The following ANTXR1 variants were observed in gnomAD, a reference collection of about 807,000 sequenced individuals.
ANTXR1 encodes anthrax toxin receptor 1.
Under a neutral mutation model 78.1 loss-of-function variants are expected in ANTXR1, and 19 were observed. The ratio of observed to expected loss-of-function variants is 0.24; its 90% CI spans 0.17 to 0.36. ANTXR1 has a LOEUF of 0.36. ANTXR1 is among the 10% of genes least tolerant of loss of function. The pLI, the probability that ANTXR1 is intolerant of heterozygous loss-of-function variation, is 1.00. For synonymous variants in ANTXR1, 273 were observed against 260.5 expected (o/e 1.05, Z -0.46); for missense variants, 518 against 718.6 (o/e 0.72, Z 3.19).
At chr2:69,220,496 G>A (rs945851967) in intron 17 of ANTXR1, among the ~76,000 whole-genome samples, 3 of 152,188 alleles carry the variant, frequency 2.0e-5, no homozygotes, top group Non-Finnish European at 4.4e-5. Flanking sequence ...GGGGCAACAA[G>A]GCATTGCCCT....
At chr2:69,029,345 C>T (rs1301991652) in intron 1 of ANTXR1, among the ~76,000 whole-genome samples, 1 of 149,084 alleles carries the variant, frequency 6.7e-6, no homozygotes, top group Non-Finnish European at 1.5e-5. Context: ...TACACAATAA[C>T]AATTCTGGGG....
chr2:69,228,488 T>C (rs1181600323), intron 17 of ANTXR1, among the ~76,000 whole-genome samples: 5 of 152,210 alleles, frequency 3.3e-5, no homozygotes, highest in Admixed American at 3.3e-4. Flanking sequence ...GATTTATATC[T>C]TCACTCGGTC....
chr2:69,235,375 G>A (rs1675731509), intron 17 of ANTXR1, among the ~76,000 whole-genome samples: 2 of 151,954 alleles, frequency 1.3e-5, no homozygotes, highest in African/African-American at 4.8e-5. Flanking sequence ...TGGGCCAGGG[G>A]CAGTGGTTCA....
At chr2:69,186,934 C>T (rs1450600191) in intron 16 of ANTXR1, among the ~76,000 whole-genome samples, 1 of 152,162 alleles carries the variant, frequency 6.6e-6, no homozygotes, top group Non-Finnish European at 1.5e-5. Flanking sequence ...CCCATCCACT[C>T]GCTGCCTGCC....
rs1263986762 is a variant in ANTXR1, at chr2:69,247,946, C to CA, written c.*2462dup. Reference sequence around the variant, plus strand: ...AATGTATGATGATTTTGAAAAGGCTCAGCAGGATTTGTTCTTAAACCGACT... The same window carrying CA: ...AATGTATGATGATTTTGAAAAGGCTCAAGCAGGATTTGTTCTTAAACCGACT... On this transcript the variant is annotated 3_prime_UTR_variant, in exon 18 of 18. Coordinates refer to ENST00000303714, the MANE Select transcript of ANTXR1 (RefSeq NM_032208.3). 1 of 153,572 alleles carries CA rather than the reference C, an allele frequency of 6.5e-6. No individual in the cohort carries two copies. The highest frequency in any genetic ancestry group is 1.5e-5 in the Non-Finnish European group (1 of 68,046). The allele number at this position is 153,572 out of a possible 1,614,324, so 9.5% of individuals were successfully genotyped here.
chr2:69,151,452 C>T (rs1413130114), intron 12 of ANTXR1, among the ~76,000 whole-genome samples: 1 of 152,068 alleles, frequency 6.6e-6, no homozygotes, highest in Non-Finnish European at 1.5e-5. Flanking sequence ...ATGTTGACAC[C>T]AAGTGGGGTC....
intron 3 of ANTXR1, among the ~76,000 whole-genome samples, chr2:69,068,833 G>T (rs1670482333): frequency 6.6e-6 from 1 of 152,222 alleles, no homozygotes; most frequent in Non-Finnish European, 1.5e-5. Context: ...AGAGATGATG[G>T]TGGCTGGGAC....
chr2:69,086,257 A>C lies in ANTXR1; in HGVS notation c.643-4602A>C, dbSNP rs142805385. Among the ~76,000 whole-genome samples the C allele has an allele frequency of 5.1e-3, 775 of 152,338 alleles. 14 individuals are homozygous for C. The highest frequency in any genetic ancestry group is 3.2e-3 in the Non-Finnish European group (221 of 68,022). ...CTGTGCAGATATTCACAGTTCTGTA[A>C]AGATTCTTGAGAAATCTCTGCATAA... On this transcript the variant is annotated intron_variant, in intron 8 of 17. Transcript: ENST00000303714.
intron 9 of ANTXR1, among the ~76,000 whole-genome samples, chr2:69,097,642 C>T (rs1368203868): frequency 6.6e-6 from 1 of 152,160 alleles, no homozygotes; most frequent in Non-Finnish European, 1.5e-5. Flanking sequence ...TTTACAAATA[C>T]AAAACAGCAC....
At chr2:69,196,661 C>A (rs990439946) in intron 17 of ANTXR1, among the ~76,000 whole-genome samples, 2 of 152,154 alleles carry the variant, frequency 1.3e-5, no homozygotes, top group African/African-American at 2.4e-5. Context: ...ATGGAGCTGA[C>A]CACATTTTCC....
intron 1 of ANTXR1, among the ~76,000 whole-genome samples, chr2:69,019,570 C>A (rs979582318): frequency 6.6e-6 from 1 of 151,586 alleles, no homozygotes; most frequent in African/African-American, 2.4e-5. Context: ...ACATACAAAC[C>A]TGCGCATCCT....
At chr2:69,192,856 A>G (rs1322024425) in intron 16 of ANTXR1, among the ~76,000 whole-genome samples, 1 of 152,156 alleles carries the variant, frequency 6.6e-6, no homozygotes, top group Non-Finnish European at 1.5e-5. Flanking sequence ...GAAGACAGCC[A>G]GGGATGTGCA....
At chr2:69,166,282 C>G (rs1673825923) in intron 13 of ANTXR1, among the ~76,000 whole-genome samples, 1 of 152,212 alleles carries the variant, frequency 6.6e-6, no homozygotes, top group Non-Finnish European at 1.5e-5. Context: ...TCAGCCTGAA[C>G]AGAGACGGAT....
chr2:69,141,110 A>C (rs1364372431), intron 12 of ANTXR1, among the ~76,000 whole-genome samples: 1 of 152,200 alleles, frequency 6.6e-6, no homozygotes, highest in Non-Finnish European at 1.5e-5. Flanking sequence ...TCAAATGTGT[A>C]ATCTGGGACC....
At chr2:69,173,888 A>G (rs1318285807) in intron 14 of ANTXR1, among the ~76,000 whole-genome samples, 2 of 152,196 alleles carry the variant, frequency 1.3e-5, no homozygotes, top group Non-Finnish European at 2.9e-5. Flanking sequence ...TCACTCTATC[A>G]AAGGCATAGC....
chr2:69,075,717 A>G (rs1670710047), intron 7 of ANTXR1, 59 bp downstream of exon 7: 3 of 1,480,526 alleles, frequency 2.0e-6, no homozygotes, highest in Non-Finnish European at 2.8e-6. Context: ...CATGAAGAAC[A>G]TGTTCAGTCA....
intron 13 of ANTXR1, among the ~76,000 whole-genome samples, chr2:69,157,503 C>T (rs1308935810): frequency 6.6e-6 from 1 of 152,064 alleles, no homozygotes; most frequent in African/African-American, 2.4e-5. Flanking sequence ...CCTAAACCTG[C>T]TCTTCATCAA....
At chr2:69,204,389 G>A (rs921539187) in intron 17 of ANTXR1, among the ~76,000 whole-genome samples, 4 of 152,060 alleles carry the variant, frequency 2.6e-5, no homozygotes, top group Non-Finnish European at 5.9e-5. Flanking sequence ...CCTCAGTCTC[G>A]GAGTTGGACT....
chr2:69,101,145 T>C (rs1671603975), intron 9 of ANTXR1, among the ~76,000 whole-genome samples: 1 of 152,226 alleles, frequency 6.6e-6, no homozygotes, highest in Non-Finnish European at 1.5e-5. Flanking sequence ...GCACATGTAG[T>C]GTCTCTGTAT....
Sources: allele counts gnomAD v4.1 joint callset (sites outside exome capture counted in the v4.1 genomes callset), GRCh38; gene constraint gnomAD v4.1.1; transcripts MANE v1.5; gene names NCBI Gene and HGNC (gene_info 2026-07-23, HGNC 2026-07-21).